The following NGFR variants were observed in gnomAD, a reference collection of about 807,000 sequenced individuals.
NGFR encodes nerve growth factor receptor.
NGFR carries 30 observed loss-of-function variants against 43.2 expected under a neutral mutation model. The observed-to-expected ratio is 0.69, with a 90% CI of 0.52 to 0.94. The LOEUF (loss-of-function observed/expected upper bound fraction) is 0.94, where lower values mean the gene tolerates loss of function less well. Ranked by LOEUF, NGFR falls within the 40% of genes least tolerant of loss-of-function variation. The probability of loss-of-function intolerance (pLI) is 0.00; values close to 1 mark genes in which losing one functional copy is unlikely to be tolerated. For synonymous variants in NGFR, 246 were observed against 259.6 expected (o/e 0.95, Z 0.50); for missense variants, 529 against 602.5 (o/e 0.88, Z 1.28).
intron 1 of NGFR, chr17:49,497,087 T>C (rs2071142722): frequency 6.6e-6 from 1 of 152,226 alleles, no homozygotes. Flanking sequence ...CCCGACCTGA[T>C]TCCCAGCTCG....
At position 49,514,888 on chromosome 17, in the gene NGFR, AC is replaced by A. The variant is rs2071260074; in HGVS notation, c.*1884del. The A allele has an allele frequency of 6.6e-6, 1 of 151,358 alleles. No individual in the cohort carries two copies. The highest frequency in any genetic ancestry group is 6.6e-5 in the Admixed American group (1 of 15,174). 9.4% of individuals were successfully genotyped at this position (151,358 alleles called of 1,614,324 possible). On this transcript the variant is annotated 3_prime_UTR_variant, in exon 6 of 6. Coordinates refer to ENST00000172229, the MANE Select transcript of NGFR (RefSeq NM_002507.4). ...CCGAGCTGGGGGCCATGAGCTCCAG[AC>A]CCCCAGCAACCCTCCTATCACCTCC...
rs146439856 is a variant in NGFR, at chr17:49,506,480, G to A, written c.390G>A (p.Ala130=). The part of the protein sequence containing the change: ...GRCEACRVCE[A]GSGLVFSCQD... ...GCGAGGCGTGCCGCGTGTGCGAGGC[G>A]GGCTCGGGCCTCGTGTTCTCCTGCC... is the stretch of plus-strand genomic sequence containing the variant. The change falls in exon 3 of 6, where the codon GCG becomes GCA. Residue 130 remains alanine (A), a synonymous_variant. Coordinates refer to ENST00000172229, the MANE Select transcript of NGFR (RefSeq NM_002507.4). 4.3e-6 allele frequency: 7 copies of A among 1,610,492 alleles called. No individual in the cohort carries two copies. The highest frequency in any genetic ancestry group is 3.3e-4 in the Middle Eastern group (2 of 6,060).
intron 2 of NGFR, among the ~76,000 whole-genome samples, chr17:49,502,750 G>A (rs552243982): frequency 7.2e-5 from 11 of 152,012 alleles, no homozygotes; most frequent in African/African-American, 1.4e-4. Context: ...CCATGAAGAC[G>A]TCCTTACTGT....
At position 49,504,753 on chromosome 17, in the gene NGFR, TTTTC is replaced by T. The variant is rs1214256755; in HGVS notation, c.209-1530_209-1527del. On this transcript the variant is annotated intron_variant, in intron 2 of 5. Transcript: ENST00000172229. The stretch of plus-strand genomic sequence containing the variant: ...GGTCTTTTCTTCTCTCCTCTACCCT[TTTTC>T]TTTCTTTCTTTCTTTTTTTTTTTTT... Among the ~76,000 whole-genome samples the T allele has an allele frequency of 3.4e-5, 4 of 117,660 alleles. No individual in the cohort carries two copies. The East Asian group carries it at 7.3e-4, about 21-fold the overall frequency. 77.2% of individuals were successfully genotyped at this position (117,660 alleles called of 152,430 possible).
In NGFR at chr17:49,511,954, C is replaced by A; in HGVS notation, c.884C>A (p.Pro295Gln). The A allele has an allele frequency of 6.2e-7, 1 of 1,613,490 alleles. No individual in the cohort carries two copies. The highest frequency in any genetic ancestry group is 8.5e-7 in the Non-Finnish European group (1 of 1,179,780). The change falls in exon 5 of 6, where the codon CCA becomes CAA. Residue 295 changes from proline (P) to glutamine (Q), a missense_variant. Pro to Gln is a moderately conservative substitution (Grantham distance 76). Transcript: ENST00000172229. ...ANSRPVNQTP[P>Q]PEGEKLHSDS... ...AGCCGGCCAGTGAACCAGACGCCCC[C>A]ACCAGAGGGAGAAAAACTCCACAGC... is the stretch of plus-strand genomic sequence containing the variant.
intron 2 of NGFR, chr17:49,506,056 G>T: frequency 1.5e-6 from 1 of 656,620 alleles, no homozygotes; most frequent in Non-Finnish European, 2.3e-6. Context: ...AAGCCTCCCG[G>T]CCGGCCAGTG....
In NGFR at chr17:49,510,281, C is replaced by T. The variant is rs763498630; in HGVS notation, c.569-131C>T. The T allele has an allele frequency of 2.0e-4, 270 of 1,320,198 alleles. 3 individuals carry two copies. The highest frequency in any genetic ancestry group is 8.8e-4 in the South Asian group (64 of 72,416). 81.8% of individuals were successfully genotyped at this position (1,320,198 alleles called of 1,614,324 possible). ...CATGACATCATGCACGCAATCCCAG[C>T]TGTGCATAACAGCTGGGCACAAGAG... On this transcript the variant is annotated intron_variant, in intron 3 of 5. Coordinates refer to ENST00000172229, the MANE Select transcript of NGFR (RefSeq NM_002507.4).
At chr17:49,496,416 G>C (rs2071138406) in intron 1 of NGFR, 2 of 152,344 alleles carry the variant, frequency 1.3e-5, no homozygotes, top group Admixed American at 1.3e-4. Flanking sequence ...GTGTTCTCAC[G>C]GCTTGAAGCA....
chr17:49,495,722 G>A lies in NGFR; in HGVS notation c.66+239G>A, dbSNP rs1335605104. 2 of 393,106 alleles carry A rather than the reference G, an allele frequency of 5.1e-6. No homozygotes were observed. Among genetic ancestry groups the A allele is most frequent in the Non-Finnish European group, 8.9e-6 (2 of 224,574 alleles). 24.4% of individuals were successfully genotyped at this position (393,106 alleles called of 1,614,324 possible). On this transcript the variant is annotated intron_variant, in intron 1 of 5. Transcript: ENST00000172229. This position sits in a 1 kb window ranked among gnomAD's most constrained non-coding sequence, Gnocchi z 6.4. Reference sequence around the variant, plus strand: ...CCGGAGCACGGATGCCGGTCCTCAGGTACCGCAGGGGGCGGTGGGGGAGCT... The same window carrying A: ...CCGGAGCACGGATGCCGGTCCTCAGATACCGCAGGGGGCGGTGGGGGAGCT...
intron 1 of NGFR, 63 bp from the exon 2 acceptor site, chr17:49,502,000 A>AGGGGGCCCCCCCCCC: frequency 3.8e-6 from 1 of 264,886 alleles, no homozygotes; most frequent in Non-Finnish European, 7.9e-6. Flanking sequence ...CCCCGGAAGA[A>AGGGGGCCCCCCCCCC]CCCCCCCCAA....
At position 49,513,630 on chromosome 17, in the gene NGFR, CCAAAG is replaced by C. The variant is rs2071249965; in HGVS notation, c.*623_*627del. ...GGCCCAGGGAGAGGCCATGATTCGC[CCAAAG>C]CCAGACAGCAACGGGGAGGCCAAGT... is the stretch of plus-strand genomic sequence containing the variant. On this transcript the variant is annotated 3_prime_UTR_variant, in exon 6 of 6. Transcript: ENST00000172229. 1 of 152,398 alleles carries C rather than the reference CCAAAG, an allele frequency of 6.6e-6. No homozygotes were observed. The highest frequency in any genetic ancestry group is 2.4e-5 in the African/African-American group (1 of 41,446). 9.4% of individuals were successfully genotyped at this position (152,398 alleles called of 1,614,324 possible).
intron 3 of NGFR, among the ~76,000 whole-genome samples, chr17:49,508,866 C>G (rs959978421): frequency 1.3e-5 from 2 of 152,220 alleles, no homozygotes; most frequent in African/African-American, 4.8e-5. Context: ...ATGCTCTGAT[C>G]TCGGTGATGG....
chr17:49,509,437 A>G (rs998634448), intron 3 of NGFR, among the ~76,000 whole-genome samples: 8 of 152,198 alleles, frequency 5.3e-5, no homozygotes, highest in African/African-American at 1.9e-4. Flanking sequence ...CAGGCCGTCC[A>G]GAGCCCACAA....
At position 49,495,563 on chromosome 17, in the gene NGFR, A is replaced by T; in HGVS notation, c.66+80A>T. 19 of 1,130,546 alleles carry T rather than the reference A, an allele frequency of 1.7e-5. No homozygotes were observed. Among genetic ancestry groups the T allele is most frequent in the Non-Finnish European group, 2.1e-5 (19 of 893,170 alleles). The allele number at this position is 1,130,546 out of a possible 1,614,324, so 70.0% of individuals were successfully genotyped here. On this transcript the variant is annotated intron_variant, in intron 1 of 5. Coordinates refer to ENST00000172229, the MANE Select transcript of NGFR (RefSeq NM_002507.4). The surrounding 1 kb of genome is among the most constrained non-coding windows in gnomAD (Gnocchi z 6.4). ...AGAGCCGGGCGCCGCCACCAAGGAA[A>T]CAGAACAGAGCATTGGGGTCCCAGA...
chr17:49,506,940 C>T (rs1418750240), intron 3 of NGFR, among the ~76,000 whole-genome samples: 1 of 152,186 alleles, frequency 6.6e-6, no homozygotes. Flanking sequence ...GCGGGTACTA[C>T]ATTGTAACTC....
chr17:49,510,303 A>G (rs551273720), intron 3 of NGFR, 109 bp from the exon 4 acceptor site: 13 of 1,502,452 alleles, frequency 8.7e-6, no homozygotes, highest in Non-Finnish European at 1.2e-5. Context: ...GCTGGGCACA[A>G]GAGCACCTGG....
chr17:49,502,017 C>CCCCCCCCCCA, intron 1 of NGFR, 46 bp from the exon 2 acceptor site: 4 of 1,305,692 alleles, frequency 3.1e-6, no homozygotes, highest in Admixed American at 2.3e-5. Context: ...CCAACCCACC[C>CCCCCCCCCCA]CAGCTTTCTC....
rs1343014350 is a variant in NGFR at position 49,513,620 on chromosome 17, C to T, written c.*611C>T. 2 of 152,444 alleles carry T rather than the reference C, an allele frequency of 1.3e-5. No individual in the cohort carries two copies. Among genetic ancestry groups the T allele is most frequent in the African/African-American group, 4.8e-5 (2 of 41,442 alleles). The allele number at this position is 152,444 out of a possible 1,614,324, so 9.4% of individuals were successfully genotyped here. On this transcript the variant is annotated 3_prime_UTR_variant, in exon 6 of 6. Transcript: ENST00000172229. ...AGGTCAGTGAGGCCCAGGGAGAGGC[C>T]ATGATTCGCCCAAAGCCAGACAGCA...
chr17:49,512,516 A>G lies in NGFR; in HGVS notation c.983-192A>G, dbSNP rs560705122. 2.0e-5 allele frequency among the ~76,000 whole-genome samples: 3 copies of G among 152,222 alleles called. No homozygotes were observed. Among genetic ancestry groups the G allele is most frequent in the African/African-American group, 7.2e-5 (3 of 41,526 alleles). ...TGGGGATAGGGATTGGGCTGGAGTGACAGGAGGAAGGGACAACGAGTCCCC... is the reference window on the plus strand; with the variant it reads ...TGGGGATAGGGATTGGGCTGGAGTGGCAGGAGGAAGGGACAACGAGTCCCC... On this transcript the variant is annotated intron_variant, in intron 5 of 5. Coordinates refer to ENST00000172229, the MANE Select transcript of NGFR (RefSeq NM_002507.4). This position sits in a 1 kb window ranked among gnomAD's most constrained non-coding sequence, Gnocchi z 5.2.
Sources: gnomAD v4.1 joint callset for allele counts (sites outside exome capture counted in the v4.1 genomes callset) on GRCh38, gnomAD v4.1.1 for gene constraint, Gnocchi (gnomAD v3.1) non-coding constraint, MANE v1.5 for transcripts, NCBI Gene and HGNC (gene_info 2026-07-23, HGNC 2026-07-21) for gene names.